PEBP4: variants seen among roughly 807,000 people sequenced by gnomAD.
PEBP4 encodes the protein phosphatidylethanolamine binding protein 4.
In PEBP4, 22 loss-of-function variants were observed where a neutral mutation model predicts 23.9. That is an observed-to-expected ratio of 0.92 (90% CI 0.66 to 1.31). The LOEUF (loss-of-function observed/expected upper bound fraction) is 1.31. Among genes scored for constraint, PEBP4 ranks in the 40% most tolerant of loss-of-function variants. PEBP4 has a pLI of 0.00. For missense variants in PEBP4, 324 were observed against 281.7 expected, an observed-to-expected ratio of 1.15 and a Z score of -1.07; for synonymous variants, 112 against 99.3, an observed-to-expected ratio of 1.13 and a Z score of -0.76.
At chr8:22,773,869 T>C (rs1003628801) in intron 4 of PEBP4, among the ~76,000 whole-genome samples, 2 of 152,148 alleles carry the variant, frequency 1.3e-5, no homozygotes, top group Admixed American at 1.3e-4. Context: ...ACCAGGGACC[T>C]TCCCTGTTCT....
At chr8:22,758,190 A>G (rs953762457) in intron 4 of PEBP4, 19 of 152,296 alleles carry the variant, frequency 1.2e-4, no homozygotes, top group Admixed American at 9.8e-4. Context: ...TATTTTGAAA[A>G]TGATTTTGAA....
chr8:22,756,384 T>C (rs1225518711), intron 4 of PEBP4, among the ~76,000 whole-genome samples: 1 of 152,222 alleles, frequency 6.6e-6, no homozygotes, highest in Non-Finnish European at 1.5e-5. Flanking sequence ...CGAGGGAGGC[T>C]GTTATGTAAC....
rs145951224 is a variant in PEBP4 at position 22,765,742 on chromosome 8, C to T, written c.358-38522G>A. Among the ~76,000 whole-genome samples, 14 of 152,386 alleles carry T rather than the reference C, an allele frequency of 9.2e-5. No individual in the cohort carries two copies. In the East Asian group the frequency reaches 1.2e-3, roughly 13 times the overall value. On this transcript the variant is annotated intron_variant, in intron 4 of 6. Coordinates refer to ENST00000256404, the MANE Select transcript of PEBP4 (RefSeq NM_144962.3). ...CTAAACAGATATTCGCTCCACGCTG[C>T]GGGTGGGCTCTCTCCACAGAGAGAG...
At chr8:22,927,792 A>G in intron 1 of PEBP4, 31 bp downstream of exon 1, 1 of 1,576,516 alleles carries the variant, frequency 6.3e-7, no homozygotes, top group Non-Finnish European at 8.6e-7. Flanking sequence ...TGTGCCCCCG[A>G]CCCCAGGGGC....
chr8:22,740,444 C>T (rs976959979), intron 4 of PEBP4, among the ~76,000 whole-genome samples: 7 of 152,200 alleles, frequency 4.6e-5, no homozygotes, highest in Admixed American at 1.3e-4. Flanking sequence ...CAACCCTAGA[C>T]CCAGTGAACC....
At chr8:22,814,891 G>A (rs1441773994) in intron 4 of PEBP4, among the ~76,000 whole-genome samples, 1 of 151,950 alleles carries the variant, frequency 6.6e-6, no homozygotes, top group Non-Finnish European at 1.5e-5. Context: ...TGAACCGGGG[G>A]GTGGTGGAGG....
chr8:22,896,554 C>G (rs1195360200), intron 3 of PEBP4, among the ~76,000 whole-genome samples: 1 of 152,198 alleles, frequency 6.6e-6, no homozygotes, highest in Non-Finnish European at 1.5e-5. Context: ...CATTTTCTGG[C>G]TCTGGGTATC....
At chr8:22,819,513 C>T (rs1347846587) in intron 3 of PEBP4, among the ~76,000 whole-genome samples, 1 of 152,138 alleles carries the variant, frequency 6.6e-6, no homozygotes, top group Non-Finnish European at 1.5e-5. Flanking sequence ...TAAAGATGAT[C>T]ATAAAAAGGG....
intron 3 of PEBP4, among the ~76,000 whole-genome samples, chr8:22,823,884 C>A (rs60454350): frequency 0.03 from 4,611 of 152,100 alleles, 198 homozygotes; most frequent in African/African-American, 0.085. Flanking sequence ...AAAGACCATA[C>A]GAACAAGTTT....
chr8:22,716,212 C>G (rs1405173496), intron 6 of PEBP4, among the ~76,000 whole-genome samples: 3 of 152,166 alleles, frequency 2.0e-5, no homozygotes, highest in African/African-American at 7.2e-5. Context: ...GACAGGGCTG[C>G]CACATATGAT....
At chr8:22,820,709 G>A (rs915124873) in intron 3 of PEBP4, among the ~76,000 whole-genome samples, 1 of 152,208 alleles carries the variant, frequency 6.6e-6, no homozygotes, top group Admixed American at 6.5e-5. Context: ...GTAAGGGCAT[G>A]TGCAAAGGCA....
At chr8:22,831,776 G>A (rs928499042) in intron 3 of PEBP4, among the ~76,000 whole-genome samples, 1 of 152,172 alleles carries the variant, frequency 6.6e-6, no homozygotes, top group Non-Finnish European at 1.5e-5. Flanking sequence ...TGCTCAGGAG[G>A]GAAGGCCATG....
At chr8:22,729,366 C>T (rs1804685017) in intron 4 of PEBP4, among the ~76,000 whole-genome samples, 1 of 152,252 alleles carries the variant, frequency 6.6e-6, no homozygotes, top group African/African-American at 2.4e-5. Context: ...GTTGTTTAAA[C>T]AAAACAATAG....
rs1008952343 is a variant in PEBP4, at chr8:22,817,794, G to A, written c.259-59C>T. The A allele has an allele frequency of 2.4e-5, 36 of 1,477,920 alleles. No homozygotes were observed. The South Asian group carries it at 3.2e-4, about 13-fold the overall frequency. 91.6% of individuals were successfully genotyped at this position (1,477,920 alleles called of 1,614,324 possible). A position where few individuals can be genotyped will look rare whatever the true frequency, so the allele number is the denominator to read the frequency against. The stretch of plus-strand genomic sequence containing the variant: ...CATGGCTGAAATAGGAAAATACCAC[G>A]GGGCAGACCTCCTTTTCCCGCCATT... On this transcript the variant is annotated intron_variant, in intron 3 of 6. Transcript: ENST00000256404.
chr8:22,918,665 C>A (rs762868591), intron 3 of PEBP4, among the ~76,000 whole-genome samples: 1 of 152,158 alleles, frequency 6.6e-6, no homozygotes, highest in Non-Finnish European at 1.5e-5. Context: ...TGAAAGCATC[C>A]GACTGACCCT....
intron 3 of PEBP4, among the ~76,000 whole-genome samples, chr8:22,892,620 C>T (rs1253324459): frequency 6.6e-6 from 1 of 152,184 alleles, no homozygotes; most frequent in Non-Finnish European, 1.5e-5. Flanking sequence ...GGCTACAGAG[C>T]CTCATGTTTG....
At chr8:22,933,005 CAA>C (rs11474736) in intron 1 of PEBP4, among the ~76,000 whole-genome samples, 69 of 134,236 alleles carry the variant, frequency 5.1e-4, no homozygotes, top group Non-Finnish European at 5.4e-4. Context: ...ACTCCGTCTC[CAA>C]AAAAAAAAAA....
At chr8:22,791,310 A>AAATG (rs1403575315) in intron 4 of PEBP4, among the ~76,000 whole-genome samples, 5 of 152,146 alleles carry the variant, frequency 3.3e-5, no homozygotes, top group Non-Finnish European at 7.3e-5. Flanking sequence ...CCTCACCCGC[A>AAATG]AATGGTAGAG....
intron 3 of PEBP4, among the ~76,000 whole-genome samples, chr8:22,872,098 G>C (rs796760073): frequency 7.2e-5 from 11 of 152,278 alleles, no homozygotes; most frequent in African/African-American, 2.6e-4. Context: ...TGCTGTGAAA[G>C]ACATTATTTC....
Sources: allele counts gnomAD v4.1 joint callset (sites outside exome capture counted in the v4.1 genomes callset), GRCh38; gene constraint gnomAD v4.1.1; transcripts MANE v1.5; gene names NCBI Gene and HGNC (gene_info 2026-07-23, HGNC 2026-07-21).